The following SAFB variants were observed in gnomAD, a reference collection of about 807,000 sequenced individuals.
The protein encoded by SAFB is scaffold attachment factor B.
A neutral mutation model predicts 101.6 loss-of-function variants in SAFB; 15 were observed. That is an observed-to-expected ratio of 0.15 (90% CI 0.10 to 0.23). The LOEUF (loss-of-function observed/expected upper bound fraction) is 0.23, where lower values mean the gene tolerates loss of function less well. Ranked by LOEUF, SAFB falls within the 10% of genes least tolerant of loss-of-function variation. The pLI is 1.00. For missense variants in SAFB, 930 were observed against 1,104.1 expected (o/e 0.84, Z 2.23); for synonymous variants, 449 against 407.5 (o/e 1.10, Z -1.23).
rs779535299 is a variant in SAFB, at chr19:5,654,122, G to C, written c.1588G>C (p.Asp530His). The C allele has an allele frequency of 1.2e-6, 2 of 1,614,120 alleles. No individual in the cohort carries two copies. Among genetic ancestry groups the C allele is most frequent in the Non-Finnish European group, 1.7e-6 (2 of 1,179,958 alleles). The part of the protein sequence containing the change: ...DRKDDAKKGD[D>H]GSGEKSKDQD... ...AAAAGATGATGCTAAGAAGGGTGAC[G>C]ACGGAAGTGGAGAAAAGAGTAAGGA... Residue 530 changes from aspartate to histidine, a missense_variant, in exon 12 of 21, where the codon GAC (aspartate) becomes CAC (histidine). Transcript: ENST00000588852.
At chr19:5,634,720 A>G (rs954634234) in intron 2 of SAFB, among the ~76,000 whole-genome samples, 1 of 152,146 alleles carries the variant, frequency 6.6e-6, no homozygotes, top group African/African-American at 2.4e-5. Flanking sequence ...GACTATGAAC[A>G]GGCAATTTAC....
intron 2 of SAFB, among the ~76,000 whole-genome samples, 199 bp from the exon 3 acceptor site, chr19:5,641,395 A>G (rs1308003222): frequency 6.6e-6 from 1 of 151,860 alleles, no homozygotes; most frequent in Non-Finnish European, 1.5e-5. Flanking sequence ...AGCTCAGACA[A>G]GAACAGAACC....
At chr19:5,657,820 C>T (rs1258220665) in intron 14 of SAFB, among the ~76,000 whole-genome samples, 4 of 151,796 alleles carry the variant, frequency 2.6e-5, no homozygotes, top group South Asian at 2.1e-4. Context: ...CCACTGCACC[C>T]GGCCTACTTA....
At chr19:5,660,704 CAAAAAAAAAA>C (rs60011056) in intron 14 of SAFB, among the ~76,000 whole-genome samples, 3 of 76,596 alleles carry the variant, frequency 3.9e-5, no homozygotes, top group African/African-American at 1.4e-4. Flanking sequence ...CCATCTCTAC[CAAAAAAAAAA>C]AAAAAAAAAA....
intron 4 of SAFB, among the ~76,000 whole-genome samples, chr19:5,643,949 C>G (rs2053773750): frequency 6.6e-6 from 1 of 152,124 alleles, no homozygotes; most frequent in Non-Finnish European, 1.5e-5. Context: ...CTGCTCCTCA[C>G]TTGCAAGAGG....
intron 2 of SAFB, among the ~76,000 whole-genome samples, chr19:5,628,618 C>G (rs2053420622): frequency 6.6e-6 from 1 of 151,978 alleles, no homozygotes; most frequent in South Asian, 2.1e-4. Context: ...TTCTCAGGGC[C>G]CAAAACTAAA....
chr19:5,666,722 G>A, intron 17 of SAFB: 1 of 397,658 alleles, frequency 2.5e-6, no homozygotes, highest in East Asian at 5.3e-5. Context: ...TTTGAGCTGT[G>A]GGACCCAGGG....
chr19:5,654,125 G>A lies in SAFB; in HGVS notation c.1591G>A (p.Gly531Arg), dbSNP rs768225206. 83 of 1,614,006 alleles carry A rather than the reference G, an allele frequency of 5.1e-5. 1 individual carries two copies. The highest frequency in any genetic ancestry group is 4.7e-5 in the Non-Finnish European group (56 of 1,179,976). ...RKDDAKKGDDGSGEKSKDQDD... is the reference protein window; with the variant it reads ...RKDDAKKGDDRSGEKSKDQDD... The stretch of plus-strand genomic sequence containing the variant: ...AGATGATGCTAAGAAGGGTGACGAC[G>A]GAAGTGGAGAAAAGAGTAAGGACCA... Residue 531 changes from glycine to arginine, a missense_variant, in exon 12 of 21, where the codon GGA becomes AGA. Gly to Arg is a moderately radical substitution (Grantham distance 125, BLOSUM62 -2). This residue lies in a region of SAFB where 92 missense variants were observed against 83.8 expected (regional missense o/e 1.10). Coordinates refer to ENST00000588852, the MANE Select transcript of SAFB (RefSeq NM_001201338.2).
At chr19:5,639,830 TG>T (rs2053667463) in intron 2 of SAFB, among the ~76,000 whole-genome samples, 1 of 151,048 alleles carries the variant, frequency 6.6e-6, no homozygotes, top group Non-Finnish European at 1.5e-5. Flanking sequence ...CGAAGTGTTT[TG>T]TTTGTTTGTT....
intron 4 of SAFB, among the ~76,000 whole-genome samples, chr19:5,643,780 T>G (rs548976645): frequency 3.3e-5 from 5 of 151,846 alleles, no homozygotes; most frequent in Non-Finnish European, 7.4e-5. Context: ...GGAGAATCAC[T>G]TGGACCAGGG....
chr19:5,657,874 A>G (rs2054100122), intron 14 of SAFB, among the ~76,000 whole-genome samples: 1 of 152,150 alleles, frequency 6.6e-6, no homozygotes, highest in Non-Finnish European at 1.5e-5. Context: ...TGTAGAAGGT[A>G]ACAAAGGCAG....
chr19:5,661,720 C>T lies in SAFB; in HGVS notation c.2065C>T (p.Arg689Cys), dbSNP rs1241297550. ...CAGGCGCGAGCAGGAGCGCATCCAC[C>T]GTGAGCGCGAGGAGCTGAGGCGCCA... is the stretch of plus-strand genomic sequence containing the variant. ...ERRREQERIH[R>C]EREELRRQQE... is the part of the protein sequence containing the mutation. The change falls in exon 15 of 21, where the codon CGT becomes TGT. Residue 689 changes from arginine to cysteine, a missense_variant. Arg to Cys is a radical substitution (Grantham distance 180). This residue lies in a region of SAFB where 159 missense variants were observed against 234.1 expected (regional missense o/e 0.68). Transcript: ENST00000588852. The T allele has an allele frequency of 1.3e-6, 2 of 1,597,396 alleles. No individual in the cohort carries two copies. Among genetic ancestry groups the T allele is most frequent in the Admixed American group, 1.8e-5 (1 of 56,900 alleles).
chr19:5,647,302 G>A (rs2053846797), intron 5 of SAFB, among the ~76,000 whole-genome samples: 1 of 152,220 alleles, frequency 6.6e-6, no homozygotes, highest in African/African-American at 2.4e-5. Context: ...TGTCAGGGAG[G>A]GAGGTGGCAT....
chr19:5,661,915 TGC>T, intron 15 of SAFB, 107 bp downstream of exon 15: 1 of 862,374 alleles, frequency 1.2e-6, no homozygotes, highest in Non-Finnish European at 1.7e-6. Context: ...GACGGAGTCT[TGC>T]TTTGTCGCGG....
At chr19:5,659,602 C>T (rs1195116722) in intron 14 of SAFB, among the ~76,000 whole-genome samples, 3 of 151,744 alleles carry the variant, frequency 2.0e-5, no homozygotes, top group Admixed American at 2.0e-4. Flanking sequence ...AGGATGGTCT[C>T]GATCTCCTGA....
At chr19:5,626,715 C>A (rs886575536) in intron 2 of SAFB, among the ~76,000 whole-genome samples, 1 of 152,096 alleles carries the variant, frequency 6.6e-6, no homozygotes, top group African/African-American at 2.4e-5. Flanking sequence ...GTCCTTTATT[C>A]ATTTTCCTCT....
chr19:5,623,705 C>T (rs2053255807), intron 1 of SAFB, among the ~76,000 whole-genome samples: 1 of 152,084 alleles, frequency 6.6e-6, no homozygotes, highest in Admixed American at 6.5e-5. Context: ...TCCTCCGTAC[C>T]TGGAGGGGAG....
rs756923430 is a variant in SAFB at position 5,667,791 on chromosome 19, C to T, written c.2558-29C>T. The T allele has an allele frequency of 1.9e-6, 3 of 1,612,886 alleles. No homozygotes were observed. Among genetic ancestry groups the T allele is most frequent in the Non-Finnish European group, 2.5e-6 (3 of 1,178,944 alleles). On this transcript the variant is annotated intron_variant, in intron 19 of 20. Coordinates refer to ENST00000588852, the MANE Select transcript of SAFB (RefSeq NM_001201338.2). The surrounding 1 kb of genome is among the most constrained non-coding windows in gnomAD (Gnocchi z 4.0). The stretch of plus-strand genomic sequence containing the variant: ...GGGTTCCACGCCGTGTGCGCAAGTT[C>T]CCTGTGTGAAAGCACGTCTGTCTTC...
At chr19:5,653,520 G>A (rs930545675) in intron 11 of SAFB, 100 bp downstream of exon 11, 2 of 1,014,438 alleles carry the variant, frequency 2.0e-6, no homozygotes, top group Non-Finnish European at 3.0e-6. Context: ...AGACTGGAGT[G>A]CAGTGGTGTG....
Sources: allele counts gnomAD v4.1 joint callset (sites outside exome capture counted in the v4.1 genomes callset), GRCh38; gene constraint gnomAD v4.1.1; regional missense constraint gnomAD v4.1.1; non-coding constraint Gnocchi (gnomAD v3.1); transcripts MANE v1.5; gene names NCBI Gene and HGNC (gene_info 2026-07-23, HGNC 2026-07-21).